FHOD3: variants seen among roughly 807,000 people sequenced by gnomAD.
FHOD3 encodes the protein formin homology 2 domain containing 3, also known as FH1/FH2 domain-containing protein 3.
Under a neutral mutation model 173.0 loss-of-function variants are expected in FHOD3, and 90 were observed. The ratio of observed to expected loss-of-function variants is 0.52; its 90% CI spans 0.44 to 0.62. The LOEUF (loss-of-function observed/expected upper bound fraction) is 0.62. Ranked by LOEUF, FHOD3 falls within the 20% of genes least tolerant of loss-of-function variation. The pLI is 0.00. For synonymous variants in FHOD3, 828 were observed against 823.0 expected (o/e 1.01, Z -0.10); for missense variants, 1,945 against 2,034.7 (o/e 0.96, Z 0.85).
intron 2 of FHOD3, 91 bp from the exon 3 acceptor site, chr18:36,372,588 TG>T: frequency 1.0e-6 from 1 of 970,886 alleles, no homozygotes; most frequent in Non-Finnish European, 1.6e-6. Flanking sequence ...CCCACTTAAG[TG>T]GGTATGTCAG....
chr18:36,377,709 C>A (rs2146203583), intron 3 of FHOD3, among the ~76,000 whole-genome samples: 1 of 152,226 alleles, frequency 6.6e-6, no homozygotes, highest in East Asian at 1.9e-4. Flanking sequence ...TGCAGCTGGC[C>A]CTCTGTGGTC....
At chr18:36,347,983 C>T (rs567867635) in intron 1 of FHOD3, among the ~76,000 whole-genome samples, 3 of 152,300 alleles carry the variant, frequency 2.0e-5, no homozygotes, top group East Asian at 1.9e-4. Context: ...AGAGGACAAC[C>T]TCAGAGTGCG....
At chr18:36,330,086 C>T (rs988371697) in intron 1 of FHOD3, among the ~76,000 whole-genome samples, 1 of 152,158 alleles carries the variant, frequency 6.6e-6, no homozygotes, top group Non-Finnish European at 1.5e-5. Context: ...ACCCCCTGTA[C>T]ACCCAGGAGG....
intron 3 of FHOD3, among the ~76,000 whole-genome samples, chr18:36,404,132 G>A (rs940255852): frequency 2.6e-5 from 4 of 152,194 alleles, no homozygotes; most frequent in African/African-American, 9.7e-5. Flanking sequence ...GCTGGCCACT[G>A]ACCCAGGCCT....
chr18:36,424,785 A>G (rs750408863), intron 3 of FHOD3, among the ~76,000 whole-genome samples: 1 of 152,224 alleles, frequency 6.6e-6, no homozygotes, highest in Non-Finnish European at 1.5e-5. Flanking sequence ...TCAATTGTCT[A>G]TTGTTCTGAG....
At chr18:36,524,592 T>G (rs1474253016) in intron 5 of FHOD3, among the ~76,000 whole-genome samples, 1 of 152,144 alleles carries the variant, frequency 6.6e-6, no homozygotes, top group African/African-American at 2.4e-5. Context: ...CTTTGCTGAT[T>G]CACTGGCTTC....
At chr18:36,303,470 C>T (rs984594060) in intron 1 of FHOD3, among the ~76,000 whole-genome samples, 25 of 152,238 alleles carry the variant, frequency 1.6e-4, no homozygotes, top group African/African-American at 5.5e-4. Flanking sequence ...TGTGTCTATG[C>T]GTTTTGTCCT....
chr18:36,696,835 T>G (rs1363842297), intron 17 of FHOD3, among the ~76,000 whole-genome samples: 1 of 152,216 alleles, frequency 6.6e-6, no homozygotes, highest in African/African-American at 2.4e-5. Context: ...GTGTTGGAAT[T>G]AATGGAGTCA....
At chr18:36,691,219 G>A (rs968410363) in intron 16 of FHOD3, among the ~76,000 whole-genome samples, 4 of 152,154 alleles carry the variant, frequency 2.6e-5, no homozygotes, top group African/African-American at 9.7e-5. Flanking sequence ...AATGCAGCAA[G>A]TGGGATGTCC....
chr18:36,666,388 A>G (rs1383729177), intron 14 of FHOD3, among the ~76,000 whole-genome samples: 3 of 152,330 alleles, frequency 2.0e-5, no homozygotes, highest in East Asian at 3.9e-4. Context: ...TGAAGCTATG[A>G]AGGAAGATTC....
At chr18:36,550,146 G>T (rs1480029004) in intron 5 of FHOD3, among the ~76,000 whole-genome samples, 1 of 150,258 alleles carries the variant, frequency 6.7e-6, no homozygotes, top group Non-Finnish European at 1.5e-5. Flanking sequence ...AGACTGAATT[G>T]TCTGTACATC....
intron 1 of FHOD3, among the ~76,000 whole-genome samples, chr18:36,314,478 T>G (rs2044023905): frequency 6.6e-6 from 1 of 152,244 alleles, no homozygotes. Flanking sequence ...AATGGAGGAA[T>G]GCAGCCGAGT....
intron 17 of FHOD3, 93 bp downstream of exon 17, chr18:36,693,516 A>G (rs1323967451): frequency 1.8e-6 from 2 of 1,140,234 alleles, no homozygotes; most frequent in Non-Finnish European, 2.5e-6. Flanking sequence ...GCAGGCTAAT[A>G]CTGAGACAGC....
chr18:36,655,850 T>G (rs1215086093), intron 13 of FHOD3, among the ~76,000 whole-genome samples: 1 of 152,234 alleles, frequency 6.6e-6, no homozygotes, highest in African/African-American at 2.4e-5. Flanking sequence ...ATGAGGCATT[T>G]GAATTAATTG....
intron 3 of FHOD3, among the ~76,000 whole-genome samples, chr18:36,468,446 G>A (rs1263055849): frequency 2.0e-5 from 3 of 152,122 alleles, no homozygotes; most frequent in South Asian, 2.1e-4. Flanking sequence ...CAGCAACACC[G>A]GAATGCACAG....
intron 16 of FHOD3, among the ~76,000 whole-genome samples, chr18:36,689,601 A>G (rs1304385263): frequency 2.0e-5 from 3 of 152,210 alleles, no homozygotes; most frequent in South Asian, 2.1e-4. Flanking sequence ...GCTTTATAGG[A>G]TAATGATTGA....
At chr18:36,393,647 C>T (rs1036344572) in intron 3 of FHOD3, among the ~76,000 whole-genome samples, 1 of 152,160 alleles carries the variant, frequency 6.6e-6, no homozygotes, top group Non-Finnish European at 1.5e-5. Flanking sequence ...ATTCATTTCC[C>T]CAGGAAACCA....
intron 3 of FHOD3, among the ~76,000 whole-genome samples, chr18:36,452,562 C>T (rs1398332459): frequency 6.6e-5 from 10 of 152,230 alleles, no homozygotes; most frequent in African/African-American, 2.4e-4. Flanking sequence ...ATCCTGCACA[C>T]CTGAAACTTT....
At position 36,752,480 on chromosome 18, in the gene FHOD3, G is replaced by A. The variant is rs1350827709; in HGVS notation, c.4233-2639G>A. ...CTTGTGCTTTGGCTTACTGGTTAGG[G>A]GGGCCAGCCTGCCCATAACCATACA... On this transcript the variant is annotated intron_variant, in intron 24 of 28. Transcript: ENST00000590592. 2.6e-5 allele frequency among the ~76,000 whole-genome samples: 4 copies of A among 152,124 alleles called. No homozygotes were observed. In the South Asian group the frequency reaches 8.3e-4, roughly 32 times the overall value.
Sources: gnomAD v4.1 joint callset for allele counts (sites outside exome capture counted in the v4.1 genomes callset) on GRCh38, gnomAD v4.1.1 for gene constraint, MANE v1.5 for transcripts, NCBI Gene and HGNC (gene_info 2026-07-23, HGNC 2026-07-21) for gene names.